SLC13A3: variants seen among roughly 807,000 people sequenced by gnomAD.
SLC13A3 encodes Na(+)/dicarboxylate cotransporter 3.
Under a neutral mutation model 59.0 loss-of-function variants are expected in SLC13A3, and 40 were observed. That is an observed-to-expected ratio of 0.68 (90% CI 0.53 to 0.88). The LOEUF (loss-of-function observed/expected upper bound fraction) is 0.88. Ranked by LOEUF, SLC13A3 falls within the 40% of genes least tolerant of loss-of-function variation. The probability of loss-of-function intolerance (pLI) is 0.00; values close to 1 mark genes in which losing one functional copy is unlikely to be tolerated. For synonymous variants in SLC13A3, 317 were observed against 330.3 expected, an observed-to-expected ratio of 0.96 and a Z score of 0.44; for missense variants, 699 against 783.2, an observed-to-expected ratio of 0.89 and a Z score of 1.28.
At chr20:46,671,330 G>A (rs969867689), upstream of SLC13A3, among the ~76,000 whole-genome samples, 6 of 152,106 alleles carry the variant, frequency 3.9e-5, no homozygotes, top group African/African-American at 1.4e-4. Context: ...TGTGAAGGTT[G>A]CATTTCTGCT....
At chr20:46,616,041 A>G (rs2062550840) in intron 1 of SLC13A3, among the ~76,000 whole-genome samples, 1 of 152,222 alleles carries the variant, frequency 6.6e-6, no homozygotes, top group Admixed American at 6.5e-5. Flanking sequence ...AACCCAGGTT[A>G]TTGGACACAC....
chr20:46,610,654 C>T, intron 2 of SLC13A3, 45 bp from the exon 3 acceptor site: 1 of 1,532,274 alleles, frequency 6.5e-7, no homozygotes, highest in Non-Finnish European at 8.8e-7. Context: ...ACCCAGGGCC[C>T]AGGAGATCCT....
chr20:46,659,200 A>G (rs1007315528), intron 1 of SLC13A3, among the ~76,000 whole-genome samples: 9 of 152,010 alleles, frequency 5.9e-5, no homozygotes, highest in Admixed American at 1.3e-4. Flanking sequence ...TTTTGCTATT[A>G]GTTTTCTATT....
At chr20:46,677,383 G>T (rs2063132318) in intron 1 of SLC13A3, among the ~76,000 whole-genome samples, 1 of 152,010 alleles carries the variant, frequency 6.6e-6, no homozygotes, top group Admixed American at 6.6e-5. Context: ...CCAAATCACT[G>T]CCCCTCCCCC....
upstream of SLC13A3, among the ~76,000 whole-genome samples, chr20:46,655,755 T>A (rs2062981193): frequency 6.9e-6 from 1 of 145,356 alleles, no homozygotes; most frequent in Admixed American, 7.0e-5. Flanking sequence ...ATATATATAT[T>A]TTATACAAAA....
At chr20:46,666,353 T>C (rs2063062374) in intron 1 of SLC13A3, among the ~76,000 whole-genome samples, 1 of 152,174 alleles carries the variant, frequency 6.6e-6, no homozygotes, top group Non-Finnish European at 1.5e-5. Flanking sequence ...GGGTTTGGAG[T>C]CAGAAACATT....
At chr20:46,585,433 C>T (rs2062180729) in intron 8 of SLC13A3, 2 of 990,432 alleles carry the variant, frequency 2.0e-6, no homozygotes, top group Non-Finnish European at 2.4e-6. Context: ...AAGCGGATTA[C>T]AAATAATATG....
At position 46,588,156 on chromosome 20, in the gene SLC13A3, C is replaced by T. The variant is rs778205056; in HGVS notation, c.1024G>A (p.Glu342Lys). 3.7e-5 allele frequency: 59 copies of T among 1,607,530 alleles called. No individual in the cohort carries two copies. The highest frequency in any genetic ancestry group is 1.0e-4 in the Admixed American group (6 of 59,542). ...CAGAAAAGGATGAAAACAGCCTGTT[C>T]GGCAAACCTGTGGCACAGACATGCA... ...YQNLGPIKFA[E>K]QAVFILFCMF... The change falls in exon 8 of 13, where the codon GAA becomes AAA. Residue 342 changes from glutamate to lysine, a missense_variant. Transcript: ENST00000279027.
chr20:46,588,756 G>A (rs2062221664), intron 7 of SLC13A3, among the ~76,000 whole-genome samples: 1 of 152,130 alleles, frequency 6.6e-6, no homozygotes, highest in African/African-American at 2.4e-5. Flanking sequence ...CATGACCAAA[G>A]CCACACAGGA....
chr20:46,629,373 G>T (rs1470514465), intron 1 of SLC13A3, among the ~76,000 whole-genome samples: 3 of 152,152 alleles, frequency 2.0e-5, no homozygotes, highest in South Asian at 4.1e-4. Flanking sequence ...ACCACAATTT[G>T]TCTTGGTGTT....
At chr20:46,624,324 G>A (rs1041034601) in intron 1 of SLC13A3, among the ~76,000 whole-genome samples, 2 of 152,176 alleles carry the variant, frequency 1.3e-5, no homozygotes, top group African/African-American at 4.8e-5. Flanking sequence ...TTTGCTATGT[G>A]GCAGACACTG....
intron 2 of SLC13A3, 31 bp from the exon 3 acceptor site, chr20:46,610,640 C>T (rs2062485589): frequency 1.9e-6 from 3 of 1,585,422 alleles, no homozygotes; most frequent in Admixed American, 1.7e-5. Context: ...GAGGCAAATC[C>T]AGAACCCAGG....
intron 1 of SLC13A3, among the ~76,000 whole-genome samples, chr20:46,665,156 C>T (rs1310236081): frequency 2.6e-5 from 4 of 151,860 alleles, no homozygotes; most frequent in Admixed American, 2.0e-4. Flanking sequence ...GTCCCAGCTA[C>T]TTGGTAGGCT....
At chr20:46,683,648 G>C (rs2063164373) in intron 1 of SLC13A3, among the ~76,000 whole-genome samples, 1 of 152,160 alleles carries the variant, frequency 6.6e-6, no homozygotes, top group South Asian at 2.1e-4. Flanking sequence ...TCTTGTAGCA[G>C]AGCGCTATTC....
Position 46,583,674 on chromosome 20 carries a change from A to G in SLC13A3, c.1122-5T>C, listed in dbSNP as rs2062161895. On this transcript the variant is annotated splice_region_variant and splice_polypyrimidine_tract_variant and intron_variant, in intron 8 of 12. Transcript: ENST00000279027. ...GTGACAGCATCAGAAAGAAACCTACAATGAGAAGGCCCCAAATCACGTGAC... is the reference window on the plus strand; with the variant it reads ...GTGACAGCATCAGAAAGAAACCTACGATGAGAAGGCCCCAAATCACGTGAC... The G allele has an allele frequency of 6.2e-7, 1 of 1,613,932 alleles. No homozygotes were observed. The highest frequency in any genetic ancestry group is 1.3e-5 in the African/African-American group (1 of 74,908).
intron 1 of SLC13A3, among the ~76,000 whole-genome samples, chr20:46,646,243 G>A (rs1197684699): frequency 6.6e-6 from 1 of 152,216 alleles, no homozygotes; most frequent in African/African-American, 2.4e-5. Flanking sequence ...AGGACTAAGA[G>A]AGAAGGAGGA....
intron 1 of SLC13A3, among the ~76,000 whole-genome samples, chr20:46,619,634 T>C (rs2062595608): frequency 6.6e-6 from 1 of 152,216 alleles, no homozygotes; most frequent in African/African-American, 2.4e-5. Flanking sequence ...CATTCCCCAC[T>C]TTCTCTGTTA....
intron 9 of SLC13A3, 28 bp downstream of exon 9, chr20:46,583,540 GCCCA>G: frequency 6.2e-7 from 1 of 1,609,968 alleles, no homozygotes; most frequent in Non-Finnish European, 8.5e-7. Context: ...TCCTCACTGA[GCCCA>G]CCGAGACCCC....
intron 1 of SLC13A3, among the ~76,000 whole-genome samples, chr20:46,666,046 C>T (rs1166801243): frequency 6.6e-6 from 1 of 152,154 alleles, no homozygotes; most frequent in Non-Finnish European, 1.5e-5. Flanking sequence ...ATATACTTTG[C>T]CAGCAGAGCT....
Sources: allele counts gnomAD v4.1 joint callset (sites outside exome capture counted in the v4.1 genomes callset), GRCh38; gene constraint gnomAD v4.1.1; transcripts MANE v1.5; gene names NCBI Gene and HGNC (gene_info 2026-07-23, HGNC 2026-07-21).